The following DOCK5 variants were observed in gnomAD, a reference collection of about 807,000 sequenced individuals.
DOCK5 encodes the protein dedicator of cytokinesis protein 5.
In DOCK5, 142 loss-of-function variants were observed where a neutral mutation model predicts 251.8. That is an observed-to-expected ratio of 0.56 (90% CI 0.49 to 0.65). The LOEUF (loss-of-function observed/expected upper bound fraction) is 0.65. Ranked by LOEUF, DOCK5 falls within the 30% of genes least tolerant of loss-of-function variation. DOCK5 has a pLI of 0.00. For missense variants in DOCK5, 2,111 were observed against 2,312.3 expected (o/e 0.91, Z 1.79); for synonymous variants, 842 against 835.5 (o/e 1.01, Z -0.13).
intron 1 of DOCK5, among the ~76,000 whole-genome samples, chr8:25,227,534 T>C (rs1300568992): frequency 6.6e-6 from 1 of 152,248 alleles, no homozygotes; most frequent in African/African-American, 2.4e-5. Flanking sequence ...TTTGGGTATG[T>C]AAACCTTATA....
chr8:25,282,980 C>T (rs1804240601), intron 5 of DOCK5, among the ~76,000 whole-genome samples: 1 of 150,990 alleles, frequency 6.6e-6, no homozygotes, highest in Non-Finnish European at 1.5e-5. Flanking sequence ...TGTGGATCCA[C>T]AGTCTCATAT....
At position 25,309,421 on chromosome 8, in the gene DOCK5, G is replaced by A. The variant is rs539295480; in HGVS notation, c.1192+496G>A. 3.3e-3 allele frequency among the ~76,000 whole-genome samples: 504 copies of A among 152,104 alleles called. 6 individuals are homozygous for A. The highest frequency in any genetic ancestry group is 0.017 in the Middle Eastern group (5 of 294). The stretch of plus-strand genomic sequence containing the variant: ...CTGGTCTCAACTTCTGGCCTTAAGT[G>A]ATCCTCCCACCTTGGCCTCCCAAAT... On this transcript the variant is annotated intron_variant, in intron 12 of 51. Coordinates refer to ENST00000276440, the MANE Select transcript of DOCK5 (RefSeq NM_024940.8).
In DOCK5 at chr8:25,402,266, T is replaced by C. The variant is rs565453284; in HGVS notation, c.4926+1200T>C. ...CCTCAGCTTCCTGAGTAGCTGGAAC[T>C]ACAGGTGTGCTCCACCACACCCAGC... is the stretch of plus-strand genomic sequence containing the variant. On this transcript the variant is annotated intron_variant, in intron 47 of 51. Coordinates refer to ENST00000276440, the MANE Select transcript of DOCK5 (RefSeq NM_024940.8). 3.3e-5 allele frequency among the ~76,000 whole-genome samples: 5 copies of C among 152,304 alleles called. No homozygotes were observed. In the East Asian group the frequency reaches 9.6e-4, roughly 29 times the overall value.
At chr8:25,329,114 A>C (rs1216579288) in intron 18 of DOCK5, among the ~76,000 whole-genome samples, 1 of 152,090 alleles carries the variant, frequency 6.6e-6, no homozygotes, top group African/African-American at 2.4e-5. Context: ...TTTCTCTTTA[A>C]AAGTATGTGT....
intron 14 of DOCK5, 49 bp downstream of exon 14, chr8:25,317,180 A>G (rs780699139): frequency 1.6e-5 from 26 of 1,598,670 alleles, no homozygotes; most frequent in Non-Finnish European, 2.1e-5. Flanking sequence ...CCGTCTTTAC[A>G]ATCACGATAG....
rs977477244 is a variant in DOCK5, at chr8:25,403,452, C to T, written c.4927-106C>T. ...CAGAATGGGGTGCCAGCCACATAAC[C>T]AGTACAGATGGGTACTGGTTAGCCA... On this transcript the variant is annotated intron_variant, in intron 47 of 51. Coordinates refer to ENST00000276440, the MANE Select transcript of DOCK5 (RefSeq NM_024940.8). 2.2e-4 allele frequency: 268 copies of T among 1,206,028 alleles called. 1 individual carries two copies. Among genetic ancestry groups the T allele is most frequent in the Admixed American group, 4.9e-4 (23 of 47,144 alleles). 74.7% of individuals were successfully genotyped at this position (1,206,028 alleles called of 1,614,324 possible). A position where few individuals can be genotyped will look rare whatever the true frequency, so the allele number is the denominator to read the frequency against.
chr8:25,372,813 C>G (rs376458078), intron 35 of DOCK5, 95 bp downstream of exon 35: 2 of 1,237,622 alleles, frequency 1.6e-6, no homozygotes, highest in Non-Finnish European at 2.2e-6. Flanking sequence ...AACACAGAGG[C>G]GCCCTGAGGC....
intron 4 of DOCK5, chr8:25,276,875 C>G (rs1156356667): frequency 6.6e-6 from 1 of 152,174 alleles, no homozygotes; most frequent in Non-Finnish European, 1.5e-5. Context: ...ATTGATGAAA[C>G]TGGTTCCCAG....
At chr8:25,389,908 T>C (rs1274202361) in intron 41 of DOCK5, among the ~76,000 whole-genome samples, 1 of 152,136 alleles carries the variant, frequency 6.6e-6, no homozygotes, top group Non-Finnish European at 1.5e-5. Flanking sequence ...TTTAAATCCA[T>C]TTCTAAGTAC....
intron 1 of DOCK5, among the ~76,000 whole-genome samples, chr8:25,224,595 A>G (rs1802481665): frequency 6.6e-6 from 1 of 152,236 alleles, no homozygotes; most frequent in South Asian, 2.1e-4. Context: ...ACTAGGGGAG[A>G]GAAACTTTCA....
intron 25 of DOCK5, among the ~76,000 whole-genome samples, chr8:25,344,752 AT>A (rs1199930881): frequency 6.6e-6 from 1 of 152,234 alleles, no homozygotes; most frequent in Non-Finnish European, 1.5e-5. Context: ...ATTACTAAAC[AT>A]TTTAATATGC....
intron 27 of DOCK5, 36 bp downstream of exon 27, chr8:25,351,862 T>C (rs1462240567): frequency 1.4e-5 from 22 of 1,583,012 alleles, no homozygotes; most frequent in Non-Finnish European, 1.8e-5. Flanking sequence ...CGGCCGCTGC[T>C]GTTTCTCTGT....
chr8:25,241,007 G>C (rs1401270431), intron 1 of DOCK5, among the ~76,000 whole-genome samples: 1 of 152,154 alleles, frequency 6.6e-6, no homozygotes, highest in Non-Finnish European at 1.5e-5. Flanking sequence ...TCTCTCAGGT[G>C]TGTCTCTCAG....
At chr8:25,259,046 G>C (rs918970267) in intron 2 of DOCK5, among the ~76,000 whole-genome samples, 2 of 152,330 alleles carry the variant, frequency 1.3e-5, no homozygotes, top group East Asian at 1.9e-4. Context: ...TTGAGCCCGG[G>C]GGGGCGGAGG....
chr8:25,305,981 T>G (rs1804911654), intron 11 of DOCK5, among the ~76,000 whole-genome samples: 1 of 152,140 alleles, frequency 6.6e-6, no homozygotes, highest in Non-Finnish European at 1.5e-5. Context: ...AATTTTAATC[T>G]TTCAATGTTA....
At chr8:25,271,037 G>A in intron 3 of DOCK5, 2 of 435,528 alleles carry the variant, frequency 4.6e-6, no homozygotes, top group East Asian at 3.2e-5. Flanking sequence ...TTAATCATCA[G>A]TTGGTTGAAC....
In DOCK5 at chr8:25,389,103, A is replaced by G; in HGVS notation, c.4144A>G (p.Ile1382Val). The change falls in exon 41 of 52, where the codon ATC (isoleucine) becomes GTC (valine). Residue 1382 changes from isoleucine to valine, a missense_variant. Around this residue, in one of 3 missense-constraint regions of DOCK5, gnomAD observed 1,717 missense variants for 1,892.4 expected, o/e 0.91. Transcript: ENST00000276440. ...FPSFLRNKIF[I>V]YRGKEYERRE... is the part of the protein sequence containing the mutation. ...GTCTCACCTGCAGAATAAAATCTTC[A>G]TCTATCGGGGAAAGGAGTATGAGAG... 1 of 1,613,870 alleles carries G rather than the reference A, an allele frequency of 6.2e-7. No homozygotes were observed. Among genetic ancestry groups the G allele is most frequent in the Non-Finnish European group, 8.5e-7 (1 of 1,179,822 alleles).
At chr8:25,292,364 G>A (rs1804515619) in intron 6 of DOCK5, among the ~76,000 whole-genome samples, 192 bp downstream of exon 6, 1 of 152,142 alleles carries the variant, frequency 6.6e-6, no homozygotes, top group Non-Finnish European at 1.5e-5. Context: ...GCCAGGCTCT[G>A]TGTTGGATCT....
At chr8:25,265,513 G>A (rs73558496) in intron 2 of DOCK5, among the ~76,000 whole-genome samples, 5,899 of 151,742 alleles carry the variant, frequency 0.039, 470 homozygotes, top group African/African-American at 0.13. Flanking sequence ...CTTGGTCACC[G>A]TATCTAAAAT....
Sources: allele counts gnomAD v4.1 joint callset (sites outside exome capture counted in the v4.1 genomes callset), GRCh38; gene constraint gnomAD v4.1.1; regional missense constraint gnomAD v4.1.1; transcripts MANE v1.5; gene names NCBI Gene and HGNC (gene_info 2026-07-23, HGNC 2026-07-21).